Variants in CYP2J2 observed in about 807,000 individuals in gnomAD.
CYP2J2 encodes the protein cytochrome P450 2J2.
CYP2J2 carries 41 observed loss-of-function variants against 48.8 expected under a neutral mutation model. The ratio of observed to expected loss-of-function variants is 0.84; its 90% CI spans 0.66 to 1.09. The LOEUF (loss-of-function observed/expected upper bound fraction) is 1.09. Ranked by LOEUF, CYP2J2 falls within the 50% of genes least tolerant of loss-of-function variation. CYP2J2 has a pLI of 0.00. For missense variants in CYP2J2, 644 were observed against 617.3 expected (o/e 1.04, Z -0.46); for synonymous variants, 221 against 227.1 (o/e 0.97, Z 0.24).
chr1:59,903,716 T>A (rs1644340517), intron 7 of CYP2J2, among the ~76,000 whole-genome samples: 1 of 152,306 alleles, frequency 6.6e-6, no homozygotes, highest in Non-Finnish European at 1.5e-5. Context: ...GTACAGGGAA[T>A]TTAACTTAGA....
the CYP2J2 span, among the ~76,000 whole-genome samples, chr1:59,943,394 C>G: frequency 6.6e-6 from 1 of 152,150 alleles, no homozygotes; most frequent in Non-Finnish European, 1.5e-5. Flanking sequence ...TCGTCCTCAC[C>G]CCTGGTGATT....
chr1:59,967,273 C>T, the CYP2J2 span, among the ~76,000 whole-genome samples: 1 of 152,202 alleles, frequency 6.6e-6, no homozygotes, highest in Non-Finnish European at 1.5e-5. Flanking sequence ...AAGAGGTTTA[C>T]ACAAATATAC....
intron 2 of CYP2J2, among the ~76,000 whole-genome samples, chr1:59,913,531 C>T (rs550523859): frequency 6.6e-6 from 1 of 152,342 alleles, no homozygotes; most frequent in South Asian, 2.1e-4. Context: ...TTATACTCTT[C>T]TAAGTGTTCC....
chr1:59,910,869 T>G (rs997874902), intron 4 of CYP2J2, among the ~76,000 whole-genome samples: 14 of 152,096 alleles, frequency 9.2e-5, no homozygotes, highest in African/African-American at 2.7e-4. Flanking sequence ...GGACAAAAAT[T>G]GTGGTGCAGG....
chr1:59,929,650 C>T (rs1057388728), upstream of CYP2J2, among the ~76,000 whole-genome samples: 5 of 151,916 alleles, frequency 3.3e-5, no homozygotes, highest in African/African-American at 1.2e-4. Flanking sequence ...AGGGGATCAA[C>T]AGTAGATGTA....
At chr1:59,929,970 A>G (rs1193494792), upstream of CYP2J2, among the ~76,000 whole-genome samples, 13 of 149,254 alleles carry the variant, frequency 8.7e-5, no homozygotes, top group Admixed American at 1.4e-4. Flanking sequence ...ACATCATAGT[A>G]AAAATACTGA....
intron 2 of CYP2J2, 84 bp from the exon 3 acceptor site, chr1:59,912,395 G>T: frequency 7.0e-7 from 1 of 1,435,198 alleles, no homozygotes; most frequent in Non-Finnish European, 9.5e-7. Context: ...TGTATCAGAT[G>T]AAGGACAGGA....
At chr1:59,918,255 T>G (rs1644483767) in intron 1 of CYP2J2, among the ~76,000 whole-genome samples, 1 of 152,206 alleles carries the variant, frequency 6.6e-6, no homozygotes, top group Admixed American at 6.5e-5. Context: ...ATTTCTTGAC[T>G]AATTTAGGAC....
At chr1:59,950,771 T>C in the CYP2J2 span, among the ~76,000 whole-genome samples, 13 of 152,184 alleles carry the variant, frequency 8.5e-5, no homozygotes, top group Non-Finnish European at 1.6e-4. Flanking sequence ...CAAGACGGTC[T>C]CATTTGACAT....
At position 59,920,245 on chromosome 1, in the gene CYP2J2, G is replaced by A. The variant is rs11572222; in HGVS notation, c.211-4145C>T. 9.3e-3 allele frequency among the ~76,000 whole-genome samples: 1,393 copies of A among 149,508 alleles called. 18 individuals carry two copies. Among genetic ancestry groups the A allele is most frequent in the African/African-American group, 0.032 (1,304 of 40,486 alleles). ...AAAAACATGTAGTAAGAAATCAAAG[G>A]CATTCTAGATGGTGAGAACACCATA... On this transcript the variant is annotated intron_variant, in intron 1 of 8. Coordinates refer to ENST00000371204, the MANE Select transcript of CYP2J2 (RefSeq NM_000775.4).
chr1:59,894,053 C>T (rs1201589072), intron 8 of CYP2J2, among the ~76,000 whole-genome samples: 1 of 152,034 alleles, frequency 6.6e-6, no homozygotes, highest in Non-Finnish European at 1.5e-5. Flanking sequence ...ATCAGGGGTC[C>T]GGCAGGCGAG....
chr1:59,906,914 A>G (rs957708914), intron 6 of CYP2J2, among the ~76,000 whole-genome samples: 4 of 152,210 alleles, frequency 2.6e-5, no homozygotes, highest in Admixed American at 6.5e-5. Flanking sequence ...CTTAAGAAAA[A>G]AATGTTGGTC....
chr1:59,938,016 A>G, the CYP2J2 span, among the ~76,000 whole-genome samples: 1 of 152,094 alleles, frequency 6.6e-6, no homozygotes, highest in African/African-American at 2.4e-5. Flanking sequence ...CAAAATAACT[A>G]TTTTGAATTC....
chr1:59,903,271 G>A (rs1055448701), intron 7 of CYP2J2, among the ~76,000 whole-genome samples: 1 of 152,132 alleles, frequency 6.6e-6, no homozygotes, highest in African/African-American at 2.4e-5. Context: ...GACTGGAATC[G>A]ATCCACGGAG....
the CYP2J2 span, among the ~76,000 whole-genome samples, chr1:59,950,697 G>T: frequency 6.6e-6 from 1 of 152,196 alleles, no homozygotes; most frequent in African/African-American, 2.4e-5. Flanking sequence ...GCAGAGCTCA[G>T]CTGGACTGTT....
the CYP2J2 span, among the ~76,000 whole-genome samples, chr1:59,949,701 CT>C: frequency 0.67 from 93,721 of 139,664 alleles, 31,363 homozygotes; most frequent in East Asian, 0.84. Flanking sequence ...TGACTGGAAG[CT>C]TTTTTTTTTT....
chr1:59,915,447 TA>T (rs1268358282), intron 2 of CYP2J2, among the ~76,000 whole-genome samples: 1 of 152,206 alleles, frequency 6.6e-6, no homozygotes, highest in African/African-American at 2.4e-5. Flanking sequence ...TATTTAATGG[TA>T]ATTTTAAGTG....
the CYP2J2 span, among the ~76,000 whole-genome samples, chr1:59,962,833 T>C: frequency 1.3e-5 from 2 of 152,204 alleles, no homozygotes; most frequent in Non-Finnish European, 2.9e-5. Flanking sequence ...CATCTGGCTC[T>C]ACTATAGAGT....
chr1:59,960,613 C>G, the CYP2J2 span, among the ~76,000 whole-genome samples: 4 of 152,148 alleles, frequency 2.6e-5, no homozygotes, highest in Non-Finnish European at 5.9e-5. Context: ...TAGGCGGAGG[C>G]GGGTGGATCA....
Sources: allele counts gnomAD v4.1 joint callset (sites outside exome capture counted in the v4.1 genomes callset), GRCh38; gene constraint gnomAD v4.1.1; transcripts MANE v1.5; gene names NCBI Gene and HGNC (gene_info 2026-07-23, HGNC 2026-07-21).